The following GRIA3 variants were observed in gnomAD, a reference collection of about 807,000 sequenced individuals.
GRIA3 encodes the protein glutamate ionotropic receptor AMPA type subunit 3, also known as glutamate receptor 3.
Under a neutral mutation model 63.0 loss-of-function variants are expected in GRIA3, and 3 were observed. The observed-to-expected ratio is 0.05, with a 90% CI of 0.02 to 0.12. The LOEUF (loss-of-function observed/expected upper bound fraction) is 0.12. Among genes scored for constraint, GRIA3 ranks in the 10% least tolerant of loss-of-function variants. GRIA3 has a pLI of 1.00. For synonymous variants in GRIA3, 274 were observed against 257.9 expected (o/e 1.06, Z -0.60); for missense variants, 347 against 700.9 (o/e 0.50, Z 5.70).
chrX:123,462,221 T>C (rs1488213592), intron 12 of GRIA3, among the ~76,000 whole-genome samples: 1 of 111,738 alleles, frequency 8.9e-6, no homozygotes, highest in Non-Finnish European at 1.9e-5. Flanking sequence ...ATTCTCCATA[T>C]GGCAGTGAGA....
chrX:123,385,469 G>A (rs1425625832), intron 5 of GRIA3, among the ~76,000 whole-genome samples: 1 of 111,720 alleles, frequency 9.0e-6, no homozygotes, highest in East Asian at 2.8e-4. Context: ...TGGCTATTTG[G>A]GCTCCTTTTT....
At chrX:123,471,760 G>T (rs1352796973) in intron 13 of GRIA3, among the ~76,000 whole-genome samples, 1 of 107,019 alleles carries the variant, frequency 9.3e-6, no homozygotes, top group East Asian at 3.0e-4. Flanking sequence ...GGTGGGAGTT[G>T]GGGTTGGTGG....
chrX:123,219,967 C>T (rs967694198), intron 2 of GRIA3, among the ~76,000 whole-genome samples: 5 of 112,103 alleles, frequency 4.5e-5, no homozygotes, highest in East Asian at 2.8e-4. Context: ...AAAAGATGGA[C>T]GACATGAGCC....
At chrX:123,284,705 A>C (rs981262795) in intron 3 of GRIA3, among the ~76,000 whole-genome samples, 1 of 111,767 alleles carries the variant, frequency 8.9e-6, no homozygotes, top group Non-Finnish European at 1.9e-5. Flanking sequence ...TAGAGAAAAA[A>C]GAATGTAAAG....
chrX:123,218,994 C>A, intron 2 of GRIA3, among the ~76,000 whole-genome samples: 1 of 111,602 alleles, frequency 9.0e-6, no homozygotes, highest in Non-Finnish European at 1.9e-5. Flanking sequence ...ACATTTTAAG[C>A]TTGTACTAGG....
intron 2 of GRIA3, among the ~76,000 whole-genome samples, chrX:123,247,144 G>A (rs994300427): frequency 1.8e-5 from 2 of 111,864 alleles, no homozygotes; most frequent in South Asian, 7.5e-4. Flanking sequence ...TATATTTTTC[G>A]TCTTCCTGCT....
chrX:123,326,557 C>T (rs1487944775), intron 4 of GRIA3, among the ~76,000 whole-genome samples: 1 of 111,621 alleles, frequency 9.0e-6, no homozygotes, highest in African/African-American at 3.3e-5. Context: ...TACCTTCTTC[C>T]CAACAGGGAA....
chrX:123,225,197 A>G (rs1459144548), intron 2 of GRIA3, among the ~76,000 whole-genome samples: 1 of 112,030 alleles, frequency 8.9e-6, no homozygotes, highest in Non-Finnish European at 1.9e-5. Context: ...CAATGTTCTC[A>G]TCTGCAAAAC....
At chrX:123,228,710 A>T (rs1282932995) in intron 2 of GRIA3, among the ~76,000 whole-genome samples, 1 of 111,307 alleles carries the variant, frequency 9.0e-6, no homozygotes, top group East Asian at 2.8e-4. Flanking sequence ...ATTCACTCTC[A>T]TCCCTCACCC....
At chrX:123,198,897 G>C (rs932885560) in intron 2 of GRIA3, among the ~76,000 whole-genome samples, 1 of 111,798 alleles carries the variant, frequency 8.9e-6, no homozygotes, top group African/African-American at 3.3e-5. Context: ...TTTAAAGTGG[G>C]AGCATGGAAG....
intron 4 of GRIA3, among the ~76,000 whole-genome samples, chrX:123,334,195 C>T (rs1487241771): frequency 9.0e-6 from 1 of 111,632 alleles, no homozygotes; most frequent in Non-Finnish European, 1.9e-5. Context: ...CCTAAGCAAG[C>T]GAGACTCTAC....
chrX:123,338,061 CCACT>C (rs1197070471), intron 4 of GRIA3, among the ~76,000 whole-genome samples: 1 of 111,954 alleles, frequency 8.9e-6, no homozygotes, highest in East Asian at 2.8e-4. Context: ...CGCCACCAAG[CCACT>C]CAGAGAGTTG....
chrX:123,419,342 G>A (rs1569433588), intron 11 of GRIA3, among the ~76,000 whole-genome samples: 1 of 109,227 alleles, frequency 9.2e-6, no homozygotes, highest in South Asian at 4.1e-4. Flanking sequence ...CTGGGAGGCG[G>A]AGATTGCAGT....
intron 3 of GRIA3, among the ~76,000 whole-genome samples, chrX:123,319,114 C>T (rs897401641): frequency 9.0e-6 from 1 of 111,585 alleles, no homozygotes; most frequent in Non-Finnish European, 1.9e-5. Context: ...AATTACCTCC[C>T]CCTGGGCCAC....
intron 2 of GRIA3, 131 bp from the exon 3 acceptor site, chrX:123,253,172 T>G: frequency 2.9e-6 from 2 of 688,192 alleles, no homozygotes; most frequent in South Asian, 4.5e-5. Context: ...GTTGGGTAAC[T>G]GGGTTTTCAG....
chrX:123,478,811 A>G (rs1011309779), intron 13 of GRIA3, among the ~76,000 whole-genome samples: 3 of 112,752 alleles, frequency 2.7e-5, no homozygotes, highest in African/African-American at 9.7e-5. Flanking sequence ...ACCAACATGC[A>G]CTAATATTTG....
chrX:123,360,405 G>A (rs949973930), intron 5 of GRIA3, among the ~76,000 whole-genome samples: 10 of 108,410 alleles, frequency 9.2e-5, no homozygotes, highest in South Asian at 8.4e-4. Context: ...ACGTTGGGCC[G>A]GGAGCGATGG....
chrX:123,420,257 A>G (rs186919432), intron 11 of GRIA3, among the ~76,000 whole-genome samples: 1 of 112,042 alleles, frequency 8.9e-6, no homozygotes, highest in East Asian at 2.8e-4. Context: ...TGGACCATAA[A>G]ACATTTAAAA....
At chrX:123,464,106 C>T (rs1158075652) in intron 12 of GRIA3, among the ~76,000 whole-genome samples, 1 of 109,785 alleles carries the variant, frequency 9.1e-6, no homozygotes, top group Non-Finnish European at 1.9e-5. Context: ...ATTAAAGAAC[C>T]GTTGTACATT....
Sources: gnomAD v4.1 joint callset for allele counts (sites outside exome capture counted in the v4.1 genomes callset) on GRCh38, gnomAD v4.1.1 for gene constraint, MANE v1.5 for transcripts, NCBI Gene and HGNC (gene_info 2026-07-23, HGNC 2026-07-21) for gene names.